Variants in NOTCH2NLB observed in about 807,000 individuals in gnomAD.
NOTCH2NLB encodes notch homolog 2 N-terminal-like protein B.
NOTCH2NLB carries 1 observed loss-of-function variant against 14.8 expected under a neutral mutation model. The observed-to-expected ratio is 0.07, with a 90% CI of 0.02 to 0.32. The LOEUF (loss-of-function observed/expected upper bound fraction) is 0.32, where lower values mean the gene tolerates loss of function less well. Among genes scored for constraint, NOTCH2NLB ranks in the 10% least tolerant of loss-of-function variants. The probability of loss-of-function intolerance (pLI) is 1.00; values close to 1 mark genes in which losing one functional copy is unlikely to be tolerated. For missense variants in NOTCH2NLB, 11 were observed against 155.0 expected (o/e 0.07, Z 4.93); for synonymous variants, 6 against 57.5 (o/e 0.10, Z 4.05).
At chr1:148,604,950 TACACACACAC>T (rs1186780760), downstream of NOTCH2NLB, among the ~76,000 whole-genome samples, 527 of 126,044 alleles carry the variant, frequency 4.2e-3, 2 homozygotes, top group African/African-American at 0.014. Context: ...CAACGCCATA[TACACACACAC>T]ACACACACAC....
At chr1:148,693,204 A>G in the NOTCH2NLB span, among the ~76,000 whole-genome samples, 3 of 151,978 alleles carry the variant, frequency 2.0e-5, no homozygotes, top group African/African-American at 7.3e-5. Context: ...CTGAGTTCCT[A>G]TGTGGCTGGG....
chr1:148,608,278 T>G (rs1322940203), intron 3 of NOTCH2NLB, among the ~76,000 whole-genome samples: 1 of 136,936 alleles, frequency 7.3e-6, no homozygotes, highest in Non-Finnish European at 1.5e-5. Flanking sequence ...TCCCAGCTAC[T>G]TGGAAGGCTG....
At chr1:148,633,279 C>T (rs1202937420) in intron 2 of NOTCH2NLB, among the ~76,000 whole-genome samples, 6 of 123,562 alleles carry the variant, frequency 4.9e-5, no homozygotes, top group East Asian at 2.9e-4. Context: ...CTCAGCTGGG[C>T]GTGGTGGCTC....
At chr1:148,604,950 TACACACACACAC>T (rs1186780760), downstream of NOTCH2NLB, among the ~76,000 whole-genome samples, 10 of 126,366 alleles carry the variant, frequency 7.9e-5, no homozygotes, top group South Asian at 1.5e-3. Context: ...CAACGCCATA[TACACACACACAC>T]ACACACACAC....
At chr1:148,688,067 AAATT>A in the NOTCH2NLB span, among the ~76,000 whole-genome samples, 337 of 132,858 alleles carry the variant, frequency 2.5e-3, 3 homozygotes, top group African/African-American at 9.6e-3. Flanking sequence ...GAAAAAACAA[AAATT>A]AAAACAAACA....
intron 2 of NOTCH2NLB, among the ~76,000 whole-genome samples, chr1:148,637,071 T>TC (rs1455394330): frequency 8.7e-6 from 1 of 115,254 alleles, no homozygotes; most frequent in Non-Finnish European, 1.9e-5. Context: ...CATTTTCTTT[T>TC]TTTTTTTTTT....
chr1:148,685,033 C>A, the NOTCH2NLB span, among the ~76,000 whole-genome samples: 3 of 100,174 alleles, frequency 3.0e-5, no homozygotes, highest in African/African-American at 1.1e-4. Flanking sequence ...TTAAAATCTT[C>A]TTTTAAGCAT....
chr1:148,705,639 CA>C, the NOTCH2NLB span, among the ~76,000 whole-genome samples: 170 of 79,470 alleles, frequency 2.1e-3, 3 homozygotes, highest in African/African-American at 7.6e-3. Context: ...TCTAAACAAA[CA>C]AAACATGTAG....
chr1:148,608,889 C>T (rs1388766472), intron 3 of NOTCH2NLB, among the ~76,000 whole-genome samples: 1 of 140,544 alleles, frequency 7.1e-6, no homozygotes, highest in Non-Finnish European at 1.5e-5. Context: ...TAGGAAAGTA[C>T]CAGCACTAGC....
At chr1:148,661,460 T>C (rs1253498427) in intron 1 of NOTCH2NLB, among the ~76,000 whole-genome samples, 6 of 148,886 alleles carry the variant, frequency 4.0e-5, no homozygotes, top group Middle Eastern at 3.6e-3. Context: ...AAATATTCCT[T>C]TAATGCAGTG....
chr1:148,621,379 C>A, intron 2 of NOTCH2NLB, among the ~76,000 whole-genome samples: 1 of 63,864 alleles, frequency 1.6e-5, no homozygotes, highest in Non-Finnish European at 2.4e-5. Flanking sequence ...CAAAAGGCCA[C>A]ATATTATATA....
chr1:148,684,913 G>A, the NOTCH2NLB span, among the ~76,000 whole-genome samples: 8 of 135,212 alleles, frequency 5.9e-5, no homozygotes, highest in Non-Finnish European at 1.2e-4. Flanking sequence ...GGGTGACAGA[G>A]CAAGACCCTG....
At chr1:148,606,976 C>T, downstream of NOTCH2NLB, 1 of 25,064 alleles carries the variant, frequency 4.0e-5, no homozygotes, top group South Asian at 3.1e-4. Context: ...CAATGAATTA[C>T]TCCATCAAAA....
intron 1 of NOTCH2NLB, among the ~76,000 whole-genome samples, chr1:148,670,406 TATTAAG>T (rs1240659434): frequency 3.4e-5 from 5 of 145,586 alleles, no homozygotes; most frequent in Admixed American, 6.8e-5. Context: ...TAATGAGGCA[TATTAAG>T]ATTAAGTAAT....
chr1:148,610,299 AAG>A (rs1663644197), intron 3 of NOTCH2NLB, among the ~76,000 whole-genome samples: 5 of 102,220 alleles, frequency 4.9e-5, no homozygotes, highest in Non-Finnish European at 9.9e-5. Context: ...GAGAGAGGGA[AAG>A]AGAGAGAAAG....
chr1:148,655,567 T>TAA (rs1196142501), intron 1 of NOTCH2NLB, among the ~76,000 whole-genome samples: 5 of 886 alleles, frequency 5.6e-3, no homozygotes, highest in Middle Eastern at 0.12. Context: ...GGAAAGACTT[T>TAA]AAAAAAAAAA....
intron 1 of NOTCH2NLB, among the ~76,000 whole-genome samples, chr1:148,661,122 TG>T (rs1664672145): frequency 6.9e-6 from 1 of 144,840 alleles, no homozygotes; most frequent in Admixed American, 6.9e-5. Flanking sequence ...CAGATGCTGA[TG>T]GGATGATTGC....
chr1:148,627,653 T>C (rs1229663512), intron 2 of NOTCH2NLB, among the ~76,000 whole-genome samples: 1,101 of 151,362 alleles, frequency 7.3e-3, no homozygotes, highest in African/African-American at 0.026. Flanking sequence ...CACCTTCTCA[T>C]GGCTAAGCCC....
At chr1:148,654,463 C>T (rs1176816521) in intron 1 of NOTCH2NLB, among the ~76,000 whole-genome samples, 1 of 21,016 alleles carries the variant, frequency 4.8e-5, no homozygotes, top group African/African-American at 1.5e-4. Flanking sequence ...AGACACATAC[C>T]CTTCATGATG....
Sources: allele counts gnomAD v4.1 joint callset (sites outside exome capture counted in the v4.1 genomes callset), GRCh38; gene constraint gnomAD v4.1.1; transcripts MANE v1.5; gene names NCBI Gene and HGNC (gene_info 2026-07-23, HGNC 2026-07-21).